CUEDC1: variants seen among roughly 807,000 people sequenced by gnomAD.
The protein encoded by CUEDC1 is CUE domain containing 1.
CUEDC1 carries 30 observed loss-of-function variants against 43.7 expected under a neutral mutation model. The observed-to-expected ratio is 0.69, with a 90% CI of 0.51 to 0.93. The LOEUF (loss-of-function observed/expected upper bound fraction) is 0.93. Among genes scored for constraint, CUEDC1 ranks in the 40% least tolerant of loss-of-function variants. The pLI is 0.00. For synonymous variants in CUEDC1, 223 were observed against 223.6 expected, an observed-to-expected ratio of 1.00 and a Z score of 0.02; for missense variants, 486 against 549.0, an observed-to-expected ratio of 0.89 and a Z score of 1.15.
intron 6 of CUEDC1, among the ~76,000 whole-genome samples, chr17:57,869,400 G>A (rs934001051): frequency 2.0e-5 from 3 of 152,188 alleles, no homozygotes; most frequent in Admixed American, 6.5e-5. Context: ...AAATGGGGAG[G>A]GTTCAGCGGT....
chr17:57,916,615 A>G (rs150935699), intron 1 of CUEDC1, among the ~76,000 whole-genome samples: 1 of 152,196 alleles, frequency 6.6e-6, no homozygotes, highest in Non-Finnish European at 1.5e-5. Context: ...AGACAGCGGA[A>G]GGATGAAAGG....
intron 1 of CUEDC1, among the ~76,000 whole-genome samples, chr17:57,893,039 C>T (rs953560655): frequency 1.3e-4 from 20 of 152,342 alleles, no homozygotes; most frequent in Admixed American, 5.2e-4. Flanking sequence ...TCTCATTTCC[C>T]GTATGAGGAC....
intron 1 of CUEDC1, among the ~76,000 whole-genome samples, chr17:57,899,261 C>A (rs11868004): frequency 1.3e-5 from 2 of 152,138 alleles, no homozygotes; most frequent in Middle Eastern, 3.2e-3. Context: ...CTGCACCCCC[C>A]CAACCACAGA....
At chr17:57,922,473 T>C (rs2074707417) in intron 1 of CUEDC1, 1 of 152,230 alleles carries the variant, frequency 6.6e-6, no homozygotes, top group African/African-American at 2.4e-5. Context: ...ACTCTGAAAG[T>C]ATCATTGAAA....
chr17:57,917,017 C>T (rs191582109), intron 1 of CUEDC1, among the ~76,000 whole-genome samples: 122 of 152,272 alleles, frequency 8.0e-4, no homozygotes, highest in African/African-American at 2.7e-3. Context: ...AAAATGGAGA[C>T]GTGGTGACTT....
At chr17:57,907,528 A>G (rs1244955405) in intron 1 of CUEDC1, among the ~76,000 whole-genome samples, 1 of 152,122 alleles carries the variant, frequency 6.6e-6, no homozygotes, top group Non-Finnish European at 1.5e-5. Flanking sequence ...GTACATCTTC[A>G]GTACCCCCAC....
intron 1 of CUEDC1, among the ~76,000 whole-genome samples, chr17:57,912,124 C>T (rs929606437): frequency 6.6e-6 from 1 of 152,208 alleles, no homozygotes; most frequent in African/African-American, 2.4e-5. Context: ...AGCCCAACGC[C>T]CCCACCCCTG....
chr17:57,873,721 G>T lies in CUEDC1; in HGVS notation c.465-4C>A, dbSNP rs778959106. ...TCCAGAGCCCAGCGCGTCGATACTA[G>T]GGGATGGCAGGTGACAGGGAAGAGG... On this transcript the variant is annotated splice_region_variant and splice_polypyrimidine_tract_variant and intron_variant, in intron 3 of 10. Coordinates refer to ENST00000577830, the MANE Select transcript of CUEDC1 (RefSeq NM_001271875.2). 1.1e-5 allele frequency: 17 copies of T among 1,566,562 alleles called. No homozygotes were observed. The highest frequency in any genetic ancestry group is 1.3e-5 in the Non-Finnish European group (15 of 1,154,032).
Position 57,887,898 on chromosome 17 carries a change from CTTTTTTTTTT to C in CUEDC1, c.-315-2029_-315-2020del, listed in dbSNP as rs748886251. On this transcript the variant is annotated intron_variant, in intron 1 of 10. Coordinates refer to ENST00000577830, the MANE Select transcript of CUEDC1 (RefSeq NM_001271875.2). ...TTTTTTCTTTTCTTTTTCTTTTTCT[CTTTTTTTTTT>C]TTTTTTTTTTTTGAGACAGAGTCTG... is the stretch of plus-strand genomic sequence containing the variant. Among the ~76,000 whole-genome samples, 824 of 118,026 alleles carry C rather than the reference CTTTTTTTTTT, an allele frequency of 7.0e-3. 6 individuals carry two copies. Among genetic ancestry groups the C allele is most frequent in the African/African-American group, 0.015 (468 of 31,020 alleles). The allele number at this position is 118,026 out of a possible 152,430, so 77.4% of individuals were successfully genotyped here.
At chr17:57,947,594 T>A (rs1351685096) in intron 1 of CUEDC1, among the ~76,000 whole-genome samples, 2 of 152,048 alleles carry the variant, frequency 1.3e-5, no homozygotes, top group African/African-American at 4.8e-5. Flanking sequence ...AGCTCAGGAG[T>A]TCGAGACCAG....
chr17:57,944,268 T>C (rs576219683), intron 1 of CUEDC1, among the ~76,000 whole-genome samples: 70 of 150,664 alleles, frequency 4.6e-4, no homozygotes, highest in Middle Eastern at 3.5e-3. Flanking sequence ...TGGTGTGCAA[T>C]GGTGCGATCT....
chr17:57,861,693 T>A lies in CUEDC1; in HGVS notation c.*1596A>T, dbSNP rs1038468562. 6.6e-6 allele frequency: 1 copy of A among 151,944 alleles called. No homozygotes were observed. The highest frequency in any genetic ancestry group is 2.4e-5 in the African/African-American group (1 of 41,298). 9.4% of individuals were successfully genotyped at this position (151,944 alleles called of 1,614,324 possible). On this transcript the variant is annotated 3_prime_UTR_variant, in exon 11 of 11. Coordinates refer to ENST00000577830, the MANE Select transcript of CUEDC1 (RefSeq NM_001271875.2). ...AGGAAAAAAAATAACAAAGCAACACTCAACAGACATGGGGCTGGGGCTTCC... is the reference window on the plus strand; with the variant it reads ...AGGAAAAAAAATAACAAAGCAACACACAACAGACATGGGGCTGGGGCTTCC...
chr17:57,886,543 G>C (rs980084982), intron 1 of CUEDC1, among the ~76,000 whole-genome samples: 2 of 152,198 alleles, frequency 1.3e-5, no homozygotes, highest in African/African-American at 4.8e-5. Flanking sequence ...CGGGCTAATA[G>C]GGGAGGCCCA....
intron 1 of CUEDC1, among the ~76,000 whole-genome samples, chr17:57,950,485 T>A (rs547646592): frequency 2.9e-4 from 42 of 146,732 alleles, no homozygotes; most frequent in African/African-American, 9.3e-4. Context: ...TTATTTTTTT[T>A]TTTTTGAGAC....
intron 1 of CUEDC1, among the ~76,000 whole-genome samples, chr17:57,907,424 A>AGGG (rs2074540345): frequency 6.6e-6 from 1 of 151,830 alleles, no homozygotes; most frequent in Admixed American, 6.6e-5. Context: ...TGGATCATTC[A>AGGG]CTCCACAGAC....
chr17:57,900,933 C>T (rs544524419), intron 1 of CUEDC1, among the ~76,000 whole-genome samples: 3 of 152,290 alleles, frequency 2.0e-5, no homozygotes, highest in African/African-American at 4.8e-5. Context: ...TCTCAGAGGA[C>T]GGTGGCGACC....
chr17:57,925,347 G>C (rs73995405), intron 1 of CUEDC1, among the ~76,000 whole-genome samples: 19,981 of 152,098 alleles, frequency 0.13, 1,899 homozygotes, highest in African/African-American at 0.27. Flanking sequence ...AGGCAGCCCC[G>C]AGCAATGAGA....
intron 1 of CUEDC1, among the ~76,000 whole-genome samples, chr17:57,899,946 T>TC (rs138749883): frequency 0.039 from 5,973 of 152,044 alleles, 405 homozygotes; most frequent in African/African-American, 0.14. Flanking sequence ...ATCCCTCTCT[T>TC]CCCCCATCTG....
At chr17:57,932,584 CAAAAAAAAAAAAAA>C (rs58304648) in intron 1 of CUEDC1, among the ~76,000 whole-genome samples, 1 of 46,494 alleles carries the variant, frequency 2.2e-5, no homozygotes, top group African/African-American at 7.9e-5. Context: ...GACTCTGTCT[CAAAAAAAAAAAAAA>C]AAAAAAAAAA....
Sources: gnomAD v4.1 joint callset for allele counts (sites outside exome capture counted in the v4.1 genomes callset) on GRCh38, gnomAD v4.1.1 for gene constraint, MANE v1.5 for transcripts, NCBI Gene and HGNC (gene_info 2026-07-23, HGNC 2026-07-21) for gene names.